The following CWF19L2 variants were observed in gnomAD, a reference collection of about 807,000 sequenced individuals.
CWF19L2 encodes the protein CWF19-like protein 2.
A neutral mutation model predicts 111.7 loss-of-function variants in CWF19L2; 98 were observed. The observed-to-expected ratio is 0.88, with a 90% confidence interval of 0.75 to 1.04. The LOEUF (loss-of-function observed/expected upper bound fraction) is 1.04. Ranked by LOEUF, CWF19L2 falls within the 50% of genes least tolerant of loss-of-function variation. CWF19L2 has a pLI of 0.00. For synonymous variants in CWF19L2, 351 were observed against 342.9 expected, an observed-to-expected ratio of 1.02 and a Z score of -0.26; for missense variants, 1,101 against 1,051.4, an observed-to-expected ratio of 1.05 and a Z score of -0.65.
intron 11 of CWF19L2, among the ~76,000 whole-genome samples, chr11:107,392,460 C>T (rs1860862456): frequency 1.3e-5 from 2 of 152,092 alleles, no homozygotes; most frequent in African/African-American, 4.8e-5. Flanking sequence ...CTCTGAGAGA[C>T]CAAAGTTTTC....
At chr11:107,345,511 C>T in intron 14 of CWF19L2, 1 of 456,696 alleles carries the variant, frequency 2.2e-6, no homozygotes, top group Middle Eastern at 3.3e-4. Context: ...GTGAAGAAGG[C>T]AGACTCAAAA....
At position 107,368,303 on chromosome 11, in the gene CWF19L2, T is replaced by A. The variant is rs1860462554; in HGVS notation, c.1873-14567A>T. Among the ~76,000 whole-genome samples, 2 of 137,934 alleles carry A rather than the reference T, an allele frequency of 1.4e-5. 1 individual carries two copies. The highest frequency in any genetic ancestry group is 3.1e-5 in the Non-Finnish European group (2 of 64,290). The allele number at this position is 137,934 out of a possible 152,430, so 90.5% of individuals were successfully genotyped here. On this transcript the variant is annotated intron_variant, in intron 12 of 17. Coordinates refer to ENST00000282251, the MANE Select transcript of CWF19L2 (RefSeq NM_152434.3). The stretch of plus-strand genomic sequence containing the variant: ...TACAAAAGAGCATCAGAGACTATGA[T>A]GATCAACTATATTCTCACAAACTAG...
chr11:107,431,190 G>A (rs1861461073), intron 7 of CWF19L2, among the ~76,000 whole-genome samples: 1 of 151,772 alleles, frequency 6.6e-6, no homozygotes, highest in South Asian at 2.1e-4. Flanking sequence ...AAGAAGAAAA[G>A]AAAGTTTAAG....
intron 10 of CWF19L2, among the ~76,000 whole-genome samples, chr11:107,408,375 C>T (rs528196657): frequency 4.0e-5 from 6 of 151,826 alleles, no homozygotes; most frequent in Admixed American, 2.6e-4. Flanking sequence ...GAGGTCAAGA[C>T]AAGAGATGAT....
intron 1 of CWF19L2, among the ~76,000 whole-genome samples, chr11:107,456,530 C>T (rs376146592): frequency 1.3e-5 from 2 of 151,652 alleles, no homozygotes; most frequent in Admixed American, 6.6e-5. Flanking sequence ...CAAGACTAAT[C>T]GCCCACTCTT....
At chr11:107,365,814 G>A (rs1419158785) in intron 12 of CWF19L2, among the ~76,000 whole-genome samples, 2 of 98,650 alleles carry the variant, frequency 2.0e-5, no homozygotes, top group Non-Finnish European at 3.9e-5. Flanking sequence ...AGTGTTGGAA[G>A]TTCTGGCCAG....
chr11:107,370,640 A>AGGGG (rs1470013397), intron 12 of CWF19L2, among the ~76,000 whole-genome samples: 1 of 137,270 alleles, frequency 7.3e-6, no homozygotes, highest in African/African-American at 2.9e-5. Context: ...TTAAACACTG[A>AGGGG]AAATGGAAGT....
chr11:107,393,799 T>TCTCA (rs1340829352), intron 10 of CWF19L2, among the ~76,000 whole-genome samples: 2 of 152,146 alleles, frequency 1.3e-5, no homozygotes, highest in Non-Finnish European at 2.9e-5. Flanking sequence ...TACTGCATGT[T>TCTCA]CTCACTTAAC....
intron 12 of CWF19L2, among the ~76,000 whole-genome samples, chr11:107,364,195 G>C (rs1417265229): frequency 1.4e-5 from 2 of 139,514 alleles, no homozygotes; most frequent in Non-Finnish European, 3.1e-5. Context: ...GACTTACAAA[G>C]AGACTTAGAC....
chr11:107,343,881 G>C (rs11212173), intron 14 of CWF19L2, among the ~76,000 whole-genome samples: 39,046 of 151,950 alleles, frequency 0.26, 5,412 homozygotes, highest in Non-Finnish European at 0.32. Flanking sequence ...CCCTCAGTTA[G>C]AATAAAATTG....
intron 5 of CWF19L2, 65 bp from the exon 6 acceptor site, chr11:107,439,248 T>G: frequency 2.1e-6 from 2 of 953,122 alleles, no homozygotes; most frequent in Non-Finnish European, 3.2e-6. Flanking sequence ...AATTAACAAA[T>G]AATAAATCTG....
chr11:107,398,991 G>A (rs1201131563), intron 10 of CWF19L2, among the ~76,000 whole-genome samples: 1 of 152,152 alleles, frequency 6.6e-6, no homozygotes, highest in Non-Finnish European at 1.5e-5. Context: ...CACTGACTGA[G>A]AGAATTCGCC....
intron 11 of CWF19L2, among the ~76,000 whole-genome samples, chr11:107,392,211 A>G (rs188042995): frequency 2.0e-5 from 3 of 152,232 alleles, no homozygotes; most frequent in Admixed American, 1.3e-4. Context: ...TGTATATGCA[A>G]TTATCACTTG....
chr11:107,367,933 C>T (rs1367452361), intron 12 of CWF19L2, among the ~76,000 whole-genome samples: 1 of 136,736 alleles, frequency 7.3e-6, no homozygotes, highest in African/African-American at 2.9e-5. Context: ...CATACCCAAA[C>T]CAGTGAGATA....
intron 8 of CWF19L2, among the ~76,000 whole-genome samples, chr11:107,419,587 G>C (rs929330716): frequency 1.3e-5 from 2 of 152,068 alleles, no homozygotes; most frequent in African/African-American, 4.8e-5. Flanking sequence ...TGTTCCATAG[G>C]TTCAAAAAGT....
At chr11:107,374,834 TA>T (rs1439893920) in intron 12 of CWF19L2, among the ~76,000 whole-genome samples, 1 of 151,752 alleles carries the variant, frequency 6.6e-6, no homozygotes, top group Non-Finnish European at 1.5e-5. Flanking sequence ...GCAAATTGGA[TA>T]AAGAGTCAAG....
Position 107,326,615 on chromosome 11 carries a change from C to T in CWF19L2, c.*295G>A, listed in dbSNP as rs1859764257. On this transcript the variant is annotated 3_prime_UTR_variant, in exon 18 of 18. Coordinates refer to ENST00000282251, the MANE Select transcript of CWF19L2 (RefSeq NM_152434.3). ...TTTTTAGATATCCCTTCAGAAAAGG[C>T]CTTCTCTAAATTAACTGAACAATTC... 4.1e-6 allele frequency: 1 copy of T among 245,106 alleles called. No homozygotes were observed. The highest frequency in any genetic ancestry group is 7.7e-6 in the Non-Finnish European group (1 of 129,642). The allele number at this position is 245,106 out of a possible 1,614,324, so 15.2% of individuals were successfully genotyped here.
rs1184866012 is a variant in CWF19L2 at position 107,442,817 on chromosome 11, AGGGG to A, written c.450+118_450+121del. 72 of 385,338 alleles carry A rather than the reference AGGGG, an allele frequency of 1.9e-4. 1 individual carries two copies. In the Admixed American group the frequency reaches 1.9e-3, roughly 10 times the overall value. The allele number at this position is 385,338 out of a possible 1,614,324, so 23.9% of individuals were successfully genotyped here. ...AAGGGAGGGAGGGAGGGAGGGAGGGAGGGGGAGGGAGGGAGAGAGGGACAGAGAG... is the reference window on the plus strand; with the variant it reads ...AAGGGAGGGAGGGAGGGAGGGAGGGAGAGGGAGGGAGAGAGGGACAGAGAG... On this transcript the variant is annotated intron_variant, in intron 4 of 17. Transcript: ENST00000282251.
intron 1 of CWF19L2, among the ~76,000 whole-genome samples, chr11:107,457,046 TTC>T (rs1185249788): frequency 1.3e-5 from 2 of 152,262 alleles, no homozygotes. Context: ...ACTGCAACTT[TTC>T]TCTTTCATTG....
Sources: gnomAD v4.1 joint callset for allele counts (sites outside exome capture counted in the v4.1 genomes callset) on GRCh38, gnomAD v4.1.1 for gene constraint, MANE v1.5 for transcripts, NCBI Gene and HGNC (gene_info 2026-07-23, HGNC 2026-07-21) for gene names.